PTPRG: variants seen among roughly 807,000 people sequenced by gnomAD.
PTPRG encodes the protein protein tyrosine phosphatase receptor type G.
PTPRG carries 102 observed loss-of-function variants against 165.3 expected under a neutral mutation model. The observed-to-expected ratio is 0.62, with a 90% CI of 0.53 to 0.73. The LOEUF (loss-of-function observed/expected upper bound fraction) is 0.73, where lower values mean the gene tolerates loss of function less well. Ranked by LOEUF, PTPRG falls within the 30% of genes least tolerant of loss-of-function variation. The pLI is 0.00. For missense variants in PTPRG, 1,866 were observed against 1,861.4 expected, an observed-to-expected ratio of 1.00 and a Z score of -0.05; for synonymous variants, 675 against 669.5, an observed-to-expected ratio of 1.01 and a Z score of -0.13.
In PTPRG at chr3:61,989,671, G is replaced by A. The variant is rs778350039; in HGVS notation, c.237G>A (p.Gly79=). ...EHWVTSSVSC[G]GRHQSPIDIL... is the part of the protein sequence containing the mutation. Reference sequence around the variant, plus strand: ...GGGTCACGTCTAGTGTCAGCTGTGGGGGCCGTCACCAGTCTCCTATTGACA... The same window carrying A: ...GGGTCACGTCTAGTGTCAGCTGTGGAGGCCGTCACCAGTCTCCTATTGACA... Residue 79 remains glycine, a synonymous_variant, in exon 3 of 30, where the codon GGG becomes GGA. Coordinates refer to ENST00000474889, the MANE Select transcript of PTPRG (RefSeq NM_002841.4). 9 of 1,613,994 alleles carry A rather than the reference G, an allele frequency of 5.6e-6. No individual in the cohort carries two copies. In the South Asian group the frequency reaches 8.8e-5, roughly 16 times the overall value.
At chr3:62,211,178 A>G (rs1316004159) in intron 12 of PTPRG, among the ~76,000 whole-genome samples, 1 of 152,254 alleles carries the variant, frequency 6.6e-6, no homozygotes, top group East Asian at 1.9e-4. Flanking sequence ...TTTAGCCTGT[A>G]AAAGGAACGA....
rs774438510 is a variant in PTPRG, at chr3:61,753,601, T to TTTTTTG, written c.190+4619_190+4620insTTTTTG. The stretch of plus-strand genomic sequence containing the variant: ...AATTTGAGGGTTTTTTTTTTTTTTT[T>TTTTTTG]GGAGATTGGATCTTGCTCTTTCACC... On this transcript the variant is annotated intron_variant, in intron 2 of 29. Transcript: ENST00000474889. 2,983 of 440,504 alleles carry TTTTTTG rather than the reference T, an allele frequency of 6.8e-3. 28 individuals are homozygous for TTTTTTG. The highest frequency in any genetic ancestry group is 0.012 in the Middle Eastern group (25 of 2,156). 27.3% of individuals were successfully genotyped at this position (440,504 alleles called of 1,614,324 possible). A position where few individuals can be genotyped will look rare whatever the true frequency, so the allele number is the denominator to read the frequency against.
chr3:62,033,653 C>A (rs1699847460), intron 4 of PTPRG, among the ~76,000 whole-genome samples: 1 of 151,978 alleles, frequency 6.6e-6, no homozygotes, highest in Admixed American at 6.6e-5. Flanking sequence ...GCATGAGCCA[C>A]CACGCCTGGC....
At chr3:61,796,419 T>C (rs1222130323) in intron 2 of PTPRG, among the ~76,000 whole-genome samples, 1 of 152,160 alleles carries the variant, frequency 6.6e-6, no homozygotes, top group Non-Finnish European at 1.5e-5. Context: ...CCTGGAGTGA[T>C]TAAAGAGCAC....
At chr3:61,570,780 G>T (rs1700036444) in intron 1 of PTPRG, among the ~76,000 whole-genome samples, 1 of 152,152 alleles carries the variant, frequency 6.6e-6, no homozygotes. Context: ...TTGTCAAAAG[G>T]ATTTATTTAC....
intron 6 of PTPRG, among the ~76,000 whole-genome samples, chr3:62,145,143 A>G (rs145874609): frequency 6.6e-6 from 1 of 152,332 alleles, no homozygotes; most frequent in Non-Finnish European, 1.5e-5. Flanking sequence ...AGAGACAGAC[A>G]CTATTGCGTA....
At chr3:62,247,109 T>G (rs894696310) in intron 15 of PTPRG, among the ~76,000 whole-genome samples, 1 of 152,162 alleles carries the variant, frequency 6.6e-6, no homozygotes, top group Non-Finnish European at 1.5e-5. Context: ...TTATTGAGCT[T>G]TACCAACAAA....
chr3:61,804,166 C>A (rs1192160651), intron 2 of PTPRG, among the ~76,000 whole-genome samples: 1 of 152,184 alleles, frequency 6.6e-6, no homozygotes, highest in African/African-American at 2.4e-5. Flanking sequence ...ATATTTCACA[C>A]AAAAGCAGGG....
chr3:61,801,198 A>T (rs902531976), intron 2 of PTPRG, among the ~76,000 whole-genome samples: 2 of 152,170 alleles, frequency 1.3e-5, no homozygotes, highest in African/African-American at 4.8e-5. Context: ...TCAAAAGCAC[A>T]CATATTTTCA....
chr3:61,861,527 A>G (rs549859377), intron 2 of PTPRG, among the ~76,000 whole-genome samples: 18 of 152,316 alleles, frequency 1.2e-4, no homozygotes, highest in East Asian at 1.9e-4. Flanking sequence ...ATAAAAGACA[A>G]TGAAGCAGGG....
intron 4 of PTPRG, among the ~76,000 whole-genome samples, chr3:62,072,615 A>G (rs72889516): frequency 0.015 from 2,030 of 134,652 alleles, 52 homozygotes; most frequent in African/African-American, 0.052. Context: ...ATATATGTGT[A>G]TGTGTGTGTG....
chr3:62,150,391 C>T (rs1704286324), intron 6 of PTPRG, among the ~76,000 whole-genome samples: 1 of 152,184 alleles, frequency 6.6e-6, no homozygotes, highest in South Asian at 2.1e-4. Flanking sequence ...CAGATATGGT[C>T]CTGAGACCAG....
In PTPRG at chr3:62,116,199, G is replaced by T. The variant is rs371752260; in HGVS notation, c.616-16403G>T. Among the ~76,000 whole-genome samples, 6 of 152,150 alleles carry T rather than the reference G, an allele frequency of 3.9e-5. No homozygotes were observed. In the East Asian group the frequency reaches 1.2e-3, roughly 29 times the overall value. ...TAAAGTCCTTGCACTTGCCTGTGAG[G>T]TTCTGCTGACTTCCGTTGTCATAGG... On this transcript the variant is annotated intron_variant, in intron 5 of 29. Coordinates refer to ENST00000474889, the MANE Select transcript of PTPRG (RefSeq NM_002841.4).
chr3:61,970,959 A>G (rs2040367699), intron 2 of PTPRG, among the ~76,000 whole-genome samples: 1 of 152,196 alleles, frequency 6.6e-6, no homozygotes, highest in Non-Finnish European at 1.5e-5. Flanking sequence ...TGAATTTAAG[A>G]GTGTAATATT....
chr3:62,078,056 CA>C (rs1701448923), intron 4 of PTPRG, 106 bp from the exon 5 acceptor site: 4 of 720,784 alleles, frequency 5.5e-6, no homozygotes, highest in Non-Finnish European at 8.9e-6. Context: ...ATAAATTTGG[CA>C]AAATCTTATT....
intron 4 of PTPRG, among the ~76,000 whole-genome samples, chr3:62,040,596 G>A (rs1700095511): frequency 6.6e-6 from 1 of 152,186 alleles, no homozygotes. Flanking sequence ...TGGTACTACA[G>A]GCATGCGCCA....
chr3:61,596,189 A>G (rs1700694042), intron 1 of PTPRG, among the ~76,000 whole-genome samples: 1 of 152,214 alleles, frequency 6.6e-6, no homozygotes, highest in South Asian at 2.1e-4. Context: ...AGGTTAACGT[A>G]GAAATTTTAT....
In PTPRG at chr3:62,210,222, G is replaced by T. The variant is rs564123721; in HGVS notation, c.2155+6272G>T. Among the ~76,000 whole-genome samples the T allele has an allele frequency of 6.6e-6, 1 of 152,158 alleles. No individual in the cohort carries two copies. The highest frequency in any genetic ancestry group is 1.5e-5 in the Non-Finnish European group (1 of 68,028). On this transcript the variant is annotated intron_variant, in intron 12 of 29. Coordinates refer to ENST00000474889, the MANE Select transcript of PTPRG (RefSeq NM_002841.4). The surrounding 1 kb of genome is among the most constrained non-coding windows in gnomAD (Gnocchi z 4.1). ...AATGATGCTCTAATCCTGCCCACAC[G>T]AGTTAACACAGAGCCAGTGTCCTGT...
chr3:61,803,512 T>TG, intron 2 of PTPRG, among the ~76,000 whole-genome samples: 6 of 150,998 alleles, frequency 4.0e-5, no homozygotes, highest in Non-Finnish European at 5.9e-5. Flanking sequence ...ATGGACAACA[T>TG]GTAATGCCTC....
Sources: gnomAD v4.1 joint callset for allele counts (sites outside exome capture counted in the v4.1 genomes callset) on GRCh38, gnomAD v4.1.1 for gene constraint, Gnocchi (gnomAD v3.1) non-coding constraint, MANE v1.5 for transcripts, NCBI Gene and HGNC (gene_info 2026-07-23, HGNC 2026-07-21) for gene names.